The following PTK2 variants were observed in gnomAD, a reference collection of about 807,000 sequenced individuals.
PTK2 encodes protein tyrosine kinase 2.
PTK2 carries 45 observed loss-of-function variants against 150.1 expected under a neutral mutation model. That is an observed-to-expected ratio of 0.30 (90% CI 0.24 to 0.38). The LOEUF is 0.38. Ranked by LOEUF, PTK2 falls within the 10% of genes least tolerant of loss-of-function variation. The pLI is 1.00. For missense variants in PTK2, 919 were observed against 1,307.3 expected, an observed-to-expected ratio of 0.70 and a Z score of 4.58; for synonymous variants, 432 against 449.2, an observed-to-expected ratio of 0.96 and a Z score of 0.48.
At chr8:140,927,773 T>G (rs1333726917) in intron 1 of PTK2, among the ~76,000 whole-genome samples, 1 of 150,856 alleles carries the variant, frequency 6.6e-6, no homozygotes, top group Non-Finnish European at 1.5e-5. Flanking sequence ...CCGACCAACA[T>G]GGTAAAACCC....
intron 16 of PTK2, among the ~76,000 whole-genome samples, chr8:140,759,886 A>G (rs1434580945): frequency 6.6e-6 from 1 of 151,494 alleles, no homozygotes; most frequent in Non-Finnish European, 1.5e-5. Flanking sequence ...TTACCATATG[A>G]TGAAGCAATT....
At chr8:140,982,275 C>A (rs1389316437) in intron 1 of PTK2, among the ~76,000 whole-genome samples, 1 of 152,204 alleles carries the variant, frequency 6.6e-6, no homozygotes, top group Non-Finnish European at 1.5e-5. Context: ...CACATTGGAT[C>A]ATTAAGATAG....
At chr8:140,954,531 C>T (rs908745712) in intron 1 of PTK2, among the ~76,000 whole-genome samples, 23 of 152,222 alleles carry the variant, frequency 1.5e-4, no homozygotes, top group African/African-American at 5.3e-4. Context: ...ACGTTATTAA[C>T]CATTATTATA....
intron 16 of PTK2, 89 bp from the exon 20 acceptor site, chr8:140,752,405 A>G: frequency 8.7e-7 from 1 of 1,150,644 alleles, no homozygotes; most frequent in South Asian, 1.3e-5. Flanking sequence ...TTTTGCAACT[A>G]TGTGGGTTAT....
intron 8 of PTK2, among the ~76,000 whole-genome samples, chr8:140,822,743 C>G (rs752078211): frequency 6.6e-6 from 1 of 152,192 alleles, no homozygotes; most frequent in Non-Finnish European, 1.5e-5. Context: ...GGAGCATGCA[C>G]TGCCTTGTTA....
intron 1 of PTK2, among the ~76,000 whole-genome samples, chr8:140,988,645 C>T (rs2100194312): frequency 1.4e-5 from 2 of 144,186 alleles, no homozygotes; most frequent in Admixed American, 1.5e-4. Context: ...AGGAGAATGG[C>T]GTGAACCCGG....
intron 1 of PTK2, among the ~76,000 whole-genome samples, chr8:140,971,268 G>T (rs921758965): frequency 6.6e-6 from 1 of 152,206 alleles, no homozygotes; most frequent in Non-Finnish European, 1.5e-5. Flanking sequence ...CAAAAATTAT[G>T]AAAGTATTAT....
At chr8:140,776,162 C>A (rs1378412257) in intron 14 of PTK2, among the ~76,000 whole-genome samples, 1 of 152,326 alleles carries the variant, frequency 6.6e-6, no homozygotes, top group South Asian at 2.1e-4. Context: ...CGCCACCACA[C>A]CTGGTTAATT....
At chr8:140,936,525 C>T (rs999846445) in intron 1 of PTK2, among the ~76,000 whole-genome samples, 1 of 151,932 alleles carries the variant, frequency 6.6e-6, no homozygotes, top group Non-Finnish European at 1.5e-5. Context: ...CTGCACCCGA[C>T]CAATGCTGTT....
intron 2 of PTK2, among the ~76,000 whole-genome samples, chr8:140,897,415 T>C (rs1396269838): frequency 6.6e-6 from 1 of 152,248 alleles, no homozygotes; most frequent in Non-Finnish European, 1.5e-5. Flanking sequence ...TAATGTTTTA[T>C]CTGCTTGTCA....
intron 1 of PTK2, among the ~76,000 whole-genome samples, chr8:140,961,383 C>T (rs910519900): frequency 6.6e-6 from 1 of 152,046 alleles, no homozygotes; most frequent in Non-Finnish European, 1.5e-5. Context: ...TACTACAGGC[C>T]GAGCGTGGTG....
chr8:140,990,303 T>C (rs2100195218), intron 1 of PTK2, among the ~76,000 whole-genome samples: 1 of 151,894 alleles, frequency 6.6e-6, no homozygotes, highest in African/African-American at 2.4e-5. Flanking sequence ...GGTGTGATCA[T>C]GGCTCACTGT....
intron 1 of PTK2, among the ~76,000 whole-genome samples, chr8:140,971,255 T>C (rs2100187152): frequency 6.6e-6 from 1 of 152,210 alleles, no homozygotes; most frequent in Non-Finnish European, 1.5e-5. Context: ...CTGCACAAAT[T>C]TACAAAAATT....
rs569379637 is a variant in PTK2, at chr8:140,759,998, C to T, written c.1332+1167G>A. On this transcript the variant is annotated intron_variant, in intron 16 of 31. Transcript: ENST00000522684. ...CAGCACTTTGGGAGGCCGAGGCAGG[C>T]GGATCACAAGGTCAAGAGATCGAGA... 1.0e-3 allele frequency among the ~76,000 whole-genome samples: 159 copies of T among 151,944 alleles called. 1 individual carries two copies. The highest frequency in any genetic ancestry group is 3.7e-3 in the African/African-American group (152 of 41,360).
At chr8:140,913,363 T>A (rs903506986) in intron 2 of PTK2, among the ~76,000 whole-genome samples, 1 of 151,988 alleles carries the variant, frequency 6.6e-6, no homozygotes, top group Non-Finnish European at 1.5e-5. Flanking sequence ...TGGTGCAATC[T>A]TTGCTCATTG....
At chr8:140,980,026 C>A (rs1482790086) in intron 1 of PTK2, among the ~76,000 whole-genome samples, 2 of 152,158 alleles carry the variant, frequency 1.3e-5, no homozygotes, top group African/African-American at 4.8e-5. Flanking sequence ...AGCAATTTGG[C>A]AGTAACTAGT....
At chr8:140,853,535 G>A (rs1241338076) in intron 5 of PTK2, among the ~76,000 whole-genome samples, 1 of 151,682 alleles carries the variant, frequency 6.6e-6, no homozygotes, top group African/African-American at 2.4e-5. Context: ...CTTTTTTATG[G>A]CTGCATAGTA....
chr8:140,907,790 T>C (rs547962257), intron 2 of PTK2, among the ~76,000 whole-genome samples: 25 of 152,292 alleles, frequency 1.6e-4, no homozygotes, highest in African/African-American at 6.0e-4. Flanking sequence ...GCACCCACGT[T>C]AAGAGAGCGA....
intron 3 of PTK2, 61 bp from the exon 4 acceptor site, chr8:140,879,698 A>AAC: frequency 1.6e-6 from 2 of 1,233,946 alleles, no homozygotes; most frequent in Non-Finnish European, 2.1e-6. Flanking sequence ...AAAAAAAAAA[A>AAC]AAACCAAAAC....
Sources: gnomAD v4.1 joint callset for allele counts (sites outside exome capture counted in the v4.1 genomes callset) on GRCh38, gnomAD v4.1.1 for gene constraint, MANE v1.5 for transcripts, NCBI Gene and HGNC (gene_info 2026-07-23, HGNC 2026-07-21) for gene names.